The following GALNTL6 variants were observed in gnomAD, a reference collection of about 807,000 sequenced individuals.
The protein encoded by GALNTL6 is polypeptide N-acetylgalactosaminyltransferase like 6.
Under a neutral mutation model 73.7 loss-of-function variants are expected in GALNTL6, and 46 were observed. The ratio of observed to expected loss-of-function variants is 0.62; its 90% confidence interval spans 0.49 to 0.80. The LOEUF (loss-of-function observed/expected upper bound fraction) is 0.80, where lower values mean the gene tolerates loss of function less well. Ranked by LOEUF, GALNTL6 falls within the 30% of genes least tolerant of loss-of-function variation. The pLI, the probability that GALNTL6 is intolerant of heterozygous loss-of-function variation, is 0.00. For missense variants in GALNTL6, 604 were observed against 755.0 expected, an observed-to-expected ratio of 0.80 and a Z score of 2.34; for synonymous variants, 259 against 263.7, an observed-to-expected ratio of 0.98 and a Z score of 0.17.
chr4:172,250,689 C>T (rs539225879), intron 3 of GALNTL6, among the ~76,000 whole-genome samples: 3 of 152,190 alleles, frequency 2.0e-5, no homozygotes, highest in East Asian at 3.9e-4. Flanking sequence ...CTGAAGTCTC[C>T]CCAGCACTGC....
intron 2 of GALNTL6, among the ~76,000 whole-genome samples, chr4:171,901,379 T>C (rs145141772): frequency 1.3e-5 from 2 of 152,158 alleles, no homozygotes; most frequent in East Asian, 3.9e-4. Context: ...ACCTTTCCAG[T>C]AGCAACTAGA....
chr4:172,667,464 T>A (rs1236018740), intron 5 of GALNTL6: 1 of 152,222 alleles, frequency 6.6e-6, no homozygotes, highest in African/African-American at 2.4e-5. Flanking sequence ...CGGGGTGTGT[T>A]CTTTTCCAGA....
At chr4:171,973,293 G>A (rs776820489) in intron 2 of GALNTL6, among the ~76,000 whole-genome samples, 20 of 152,190 alleles carry the variant, frequency 1.3e-4, no homozygotes, top group Non-Finnish European at 2.4e-4. Context: ...CCATAAGGAA[G>A]TACCACAAAC....
intron 2 of GALNTL6, among the ~76,000 whole-genome samples, chr4:171,936,662 C>A (rs889245702): frequency 2.6e-5 from 4 of 151,986 alleles, no homozygotes; most frequent in African/African-American, 9.7e-5. Flanking sequence ...GAAACCAAGA[C>A]AAATTATGTA....
chr4:171,876,309 T>C (rs1736277245), intron 2 of GALNTL6, among the ~76,000 whole-genome samples: 2 of 152,206 alleles, frequency 1.3e-5, no homozygotes, highest in Non-Finnish European at 1.5e-5. Context: ...CACTATAATA[T>C]GGTTTATTAC....
rs575819163 is a variant in GALNTL6 at position 171,985,345 on chromosome 4, A to T, written c.138+170627A>T. On this transcript the variant is annotated intron_variant, in intron 2 of 12. Coordinates refer to ENST00000506823, the MANE Select transcript of GALNTL6 (RefSeq NM_001034845.3). ...GGAAAACCCCTTATAAAGCCAACCG[A>T]TCTCATGAGACTTACTCAGCACCAT... 2.0e-5 allele frequency among the ~76,000 whole-genome samples: 3 copies of T among 152,304 alleles called. No individual in the cohort carries two copies. In the South Asian group the frequency reaches 6.2e-4, roughly 32 times the overall value.
At chr4:172,317,347 A>G (rs1243270884) in intron 4 of GALNTL6, among the ~76,000 whole-genome samples, 2 of 152,198 alleles carry the variant, frequency 1.3e-5, no homozygotes, top group African/African-American at 4.8e-5. Context: ...GTAAGCGGGG[A>G]TGCAAGTTTC....
chr4:172,503,652 G>T (rs2124204), intron 5 of GALNTL6, among the ~76,000 whole-genome samples: 118,477 of 150,614 alleles, frequency 0.79, 47,010 homozygotes, highest in East Asian at 0.99. Context: ...ACACTACTAT[G>T]GAATTTACAA....
intron 2 of GALNTL6, among the ~76,000 whole-genome samples, chr4:172,216,252 G>A (rs1162371450): frequency 6.6e-6 from 1 of 151,230 alleles, no homozygotes; most frequent in African/African-American, 2.4e-5. Context: ...CTTAGTTTTT[G>A]TTTGTGAAAA....
At chr4:172,750,690 A>T (rs1035043200) in intron 5 of GALNTL6, among the ~76,000 whole-genome samples, 4 of 152,232 alleles carry the variant, frequency 2.6e-5, no homozygotes, top group Non-Finnish European at 4.4e-5. Context: ...ATTGAGAATC[A>T]TAATAGACAT....
chr4:172,468,406 A>G (rs936488792), intron 5 of GALNTL6, among the ~76,000 whole-genome samples: 1 of 152,244 alleles, frequency 6.6e-6, no homozygotes, highest in South Asian at 2.1e-4. Flanking sequence ...GTTTGGAAGA[A>G]TAATTCCAAT....
intron 2 of GALNTL6, among the ~76,000 whole-genome samples, chr4:171,934,773 C>T (rs748960008): frequency 7.6e-4 from 115 of 152,220 alleles, no homozygotes; most frequent in Non-Finnish European, 1.3e-3. Flanking sequence ...ACTCTTAGAG[C>T]GAAAAGGCTA....
intron 4 of GALNTL6, among the ~76,000 whole-genome samples, chr4:172,325,129 ACATT>A: frequency 6.6e-6 from 1 of 151,976 alleles, no homozygotes; most frequent in South Asian, 2.1e-4. Flanking sequence ...AGAGAACAAC[ACATT>A]ATTATCAATT....
At chr4:172,549,475 A>G (rs1711667276) in intron 5 of GALNTL6, among the ~76,000 whole-genome samples, 1 of 152,186 alleles carries the variant, frequency 6.6e-6, no homozygotes. Context: ...ATCTTATATG[A>G]GATCAATTAC....
chr4:172,211,367 A>G (rs1023380956), intron 2 of GALNTL6, among the ~76,000 whole-genome samples: 6 of 152,128 alleles, frequency 3.9e-5, no homozygotes, highest in African/African-American at 1.4e-4. Context: ...AAATATTTCT[A>G]TATGTAATTA....
chr4:172,897,430 G>A (rs1746387317), intron 8 of GALNTL6, among the ~76,000 whole-genome samples: 1 of 152,210 alleles, frequency 6.6e-6, no homozygotes, highest in African/African-American at 2.4e-5. Flanking sequence ...AGAGGCTGGA[G>A]CAACACCATG....
chr4:172,045,463 TAA>T (rs1054193769), intron 2 of GALNTL6, among the ~76,000 whole-genome samples: 1 of 152,092 alleles, frequency 6.6e-6, no homozygotes, highest in African/African-American at 2.4e-5. Flanking sequence ...ATAAACATTA[TAA>T]GTCAGGTTCT....
At chr4:171,914,320 G>A (rs1469400932) in intron 2 of GALNTL6, among the ~76,000 whole-genome samples, 2 of 151,082 alleles carry the variant, frequency 1.3e-5, no homozygotes, top group African/African-American at 4.9e-5. Context: ...ATCCCGACAA[G>A]AAAGTGGTTA....
intron 5 of GALNTL6, among the ~76,000 whole-genome samples, chr4:172,397,212 A>G (rs1157699683): frequency 1.3e-5 from 2 of 152,234 alleles, no homozygotes; most frequent in Non-Finnish European, 2.9e-5. Context: ...TTCATATTAC[A>G]TATGACTCTA....
Sources: allele counts gnomAD v4.1 joint callset (sites outside exome capture counted in the v4.1 genomes callset), GRCh38; gene constraint gnomAD v4.1.1; transcripts MANE v1.5; gene names NCBI Gene and HGNC (gene_info 2026-07-23, HGNC 2026-07-21).